The following MDFIC2 variants were observed in gnomAD, a reference collection of about 807,000 sequenced individuals.
The protein encoded by MDFIC2 is myoD family inhibitor domain-containing protein 2.
intron 2 of MDFIC2, among the ~76,000 whole-genome samples, chr3:70,307,018 G>T (rs988356800): frequency 6.6e-6 from 1 of 152,102 alleles, no homozygotes; most frequent in Non-Finnish European, 1.5e-5. Flanking sequence ...TAGAGAGATA[G>T]AGAGAAAATC....
At chr3:70,291,120 A>G (rs1389283382) in intron 2 of MDFIC2, 1 of 152,204 alleles carries the variant, frequency 6.6e-6, no homozygotes, top group Non-Finnish European at 1.5e-5. Context: ...AAAGAATATC[A>G]TTGAAAGCAG....
Position 70,250,355 on chromosome 3 carries a change from A to C in MDFIC2, c.89-43565T>G, listed in dbSNP as rs966016865. ...ACATTTTTTAGGTAATTGAGAAGTC[A>C]TGCCCTGTGTTTTTATTGTTATTGA... is the stretch of plus-strand genomic sequence containing the variant. On this transcript the variant is annotated intron_variant, in intron 2 of 3. Coordinates refer to ENST00000567252, the MANE Select transcript of MDFIC2 (RefSeq NM_001364677.1). 2.6e-5 allele frequency among the ~76,000 whole-genome samples: 4 copies of C among 151,660 alleles called. No individual in the cohort carries two copies. The South Asian group carries it at 8.3e-4, about 32-fold the overall frequency.
At position 70,277,615 on chromosome 3, in the gene MDFIC2, C is replaced by A. The variant is rs77187356; in HGVS notation, c.88+34271G>T. On this transcript the variant is annotated intron_variant, in intron 2 of 3. Transcript: ENST00000567252. ...AATAATGCTGTGTCATACTTCAAAA[C>A]TGCTACTTGGTTTTATGGTTTATTT... Among the ~76,000 whole-genome samples, 295 of 152,244 alleles carry A rather than the reference C, an allele frequency of 1.9e-3. 12 individuals carry two copies. In the East Asian group the frequency reaches 0.052, roughly 27 times the overall value.
At chr3:70,312,122 A>G (rs1398452292) in intron 1 of MDFIC2, 149 bp from the exon 2 acceptor site, 8 of 388,024 alleles carry the variant, frequency 2.1e-5, no homozygotes, top group Non-Finnish European at 3.6e-5. Context: ...AAGTCTTAAC[A>G]TTTTATTCAT....
chr3:70,294,054 C>G (rs1263639174), intron 2 of MDFIC2, among the ~76,000 whole-genome samples: 1 of 152,086 alleles, frequency 6.6e-6, no homozygotes, highest in African/African-American at 2.4e-5. Context: ...ATTAAGGATA[C>G]AGCTTGGCTT....
In MDFIC2 at chr3:70,194,884, G is replaced by T. The variant is rs150258065; in HGVS notation, c.*2042C>A. ...TCCTCCTTTAGTGACTAGACCACGG[G>T]TAGAGGGGTGGGTGCTCAGAGAGGA... On this transcript the variant is annotated 3_prime_UTR_variant, in exon 4 of 4. Transcript: ENST00000567252. Among the ~76,000 whole-genome samples, 93 of 152,296 alleles carry T rather than the reference G, an allele frequency of 6.1e-4. No individual in the cohort carries two copies. The highest frequency in any genetic ancestry group is 9.8e-4 in the Admixed American group (15 of 15,294).
In MDFIC2 at chr3:70,225,371, G is replaced by A. The variant is rs149338387; in HGVS notation, c.89-18581C>T. Among the ~76,000 whole-genome samples, 1,383 of 152,236 alleles carry A rather than the reference G, an allele frequency of 9.1e-3. 21 individuals are homozygous for A. Among genetic ancestry groups the A allele is most frequent in the Middle Eastern group, 0.024 (7 of 294 alleles). ...TTTGCAGAGTTCTGCCGTTCAAGTC[G>A]CTAGAATAGAAATGTCATGACTCAG... On this transcript the variant is annotated intron_variant, in intron 2 of 3. Coordinates refer to ENST00000567252, the MANE Select transcript of MDFIC2 (RefSeq NM_001364677.1).
At chr3:70,228,141 T>C (rs1701526261) in intron 2 of MDFIC2, among the ~76,000 whole-genome samples, 1 of 152,010 alleles carries the variant, frequency 6.6e-6, no homozygotes, top group South Asian at 2.1e-4. Context: ...AAGAAGGTGG[T>C]AAGAGTTGTC....
chr3:70,281,349 C>T (rs1171039758), intron 2 of MDFIC2, among the ~76,000 whole-genome samples: 1 of 152,168 alleles, frequency 6.6e-6, no homozygotes, highest in African/African-American at 2.4e-5. Context: ...CTCTCAACTT[C>T]ATTATTTGAC....
intron 3 of MDFIC2, among the ~76,000 whole-genome samples, chr3:70,202,977 A>G (rs948831346): frequency 1.3e-5 from 2 of 152,038 alleles, no homozygotes; most frequent in Non-Finnish European, 2.9e-5. Context: ...TGCCCTCCCA[A>G]CTTTGGGTCT....
intron 2 of MDFIC2, among the ~76,000 whole-genome samples, chr3:70,232,338 C>A (rs1035465618): frequency 6.6e-6 from 1 of 152,048 alleles, no homozygotes; most frequent in Non-Finnish European, 1.5e-5. Flanking sequence ...GATCAGTGCA[C>A]ATGTGTCGAA....
At chr3:70,202,351 G>A (rs545613511) in intron 3 of MDFIC2, among the ~76,000 whole-genome samples, 1 of 152,296 alleles carries the variant, frequency 6.6e-6, no homozygotes, top group African/African-American at 2.4e-5. Flanking sequence ...ACAACAGTTA[G>A]TACTAGTGGT....
intron 2 of MDFIC2, among the ~76,000 whole-genome samples, chr3:70,281,876 C>T (rs557802397): frequency 1.1e-4 from 16 of 152,116 alleles, no homozygotes; most frequent in Admixed American, 3.9e-4. Flanking sequence ...TTCATCATAC[C>T]TTGGGTGAGG....
intron 2 of MDFIC2, among the ~76,000 whole-genome samples, chr3:70,284,755 G>A (rs560135537): frequency 2.6e-5 from 4 of 152,136 alleles, no homozygotes; most frequent in African/African-American, 4.8e-5. Flanking sequence ...GAGGGTGAAG[G>A]GTAGGAGGAG....
intron 2 of MDFIC2, among the ~76,000 whole-genome samples, chr3:70,248,897 T>A (rs1034559188): frequency 6.6e-6 from 1 of 152,156 alleles, no homozygotes; most frequent in African/African-American, 2.4e-5. Context: ...ATGGTAAATC[T>A]ACTTACCAGG....
At chr3:70,225,451 A>G (rs1278659504) in intron 2 of MDFIC2, among the ~76,000 whole-genome samples, 1 of 152,226 alleles carries the variant, frequency 6.6e-6, no homozygotes, top group African/African-American at 2.4e-5. Flanking sequence ...CTTTATCTCA[A>G]AAACATTGTA....
At chr3:70,211,576 TCCC>T (rs1559536116) in intron 2 of MDFIC2, among the ~76,000 whole-genome samples, 1 of 84,188 alleles carries the variant, frequency 1.2e-5, no homozygotes, top group Non-Finnish European at 2.4e-5. Context: ...TCCCTTCCCT[TCCC>T]TTCCTTTCCC....
intron 2 of MDFIC2, among the ~76,000 whole-genome samples, chr3:70,307,816 A>C (rs532653675): frequency 6.6e-6 from 1 of 152,264 alleles, no homozygotes; most frequent in African/African-American, 2.4e-5. Context: ...CTTAACCTAC[A>C]GTCAGCACTC....
chr3:70,229,627 A>G (rs1328160997), intron 2 of MDFIC2, among the ~76,000 whole-genome samples: 4 of 152,150 alleles, frequency 2.6e-5, no homozygotes, highest in African/African-American at 9.7e-5. Context: ...TTCACGTTTT[A>G]TTCTCTACTT....
Sources: gnomAD v4.1 joint callset for allele counts (sites outside exome capture counted in the v4.1 genomes callset) on GRCh38, gnomAD v4.1.1 for gene constraint, MANE v1.5 for transcripts, NCBI Gene and HGNC (gene_info 2026-07-23, HGNC 2026-07-21) for gene names.